Variants in CDYL2 observed in about 807,000 individuals in gnomAD.
CDYL2 encodes chromodomain Y-like protein 2.
In CDYL2, 23 loss-of-function variants were observed where a neutral mutation model predicts 49.4. The observed-to-expected ratio is 0.47, with a 90% confidence interval of 0.34 to 0.66. The LOEUF (loss-of-function observed/expected upper bound fraction) is 0.66. Ranked by LOEUF, CDYL2 falls within the 30% of genes least tolerant of loss-of-function variation. The pLI is 0.01. For missense variants in CDYL2, 678 were observed against 656.4 expected, an observed-to-expected ratio of 1.03 and a Z score of -0.36; for synonymous variants, 360 against 268.8, an observed-to-expected ratio of 1.34 and a Z score of -3.32.
intron 6 of CDYL2, among the ~76,000 whole-genome samples, chr16:80,604,868 C>T (rs144122922): frequency 6.6e-6 from 1 of 152,162 alleles, no homozygotes; most frequent in Non-Finnish European, 1.5e-5. Context: ...GTGTGGGAGA[C>T]ACTGTTTTAA....
At chr16:80,747,675 G>C (rs1195452464) in intron 1 of CDYL2, among the ~76,000 whole-genome samples, 2 of 152,108 alleles carry the variant, frequency 1.3e-5, no homozygotes, top group Non-Finnish European at 2.9e-5. Flanking sequence ...AGAGAAGCAA[G>C]TACCAGACAA....
intron 2 of CDYL2, 88 bp downstream of exon 2, chr16:80,684,450 G>C (rs1267800507): frequency 8.3e-7 from 1 of 1,204,810 alleles, no homozygotes; most frequent in East Asian, 2.3e-5. Flanking sequence ...GATGGAGGTG[G>C]GGGTCTTATG....
In CDYL2 at chr16:80,681,087, T is replaced by C. The variant is rs894941981; in HGVS notation, c.616+3451A>G. Among the ~76,000 whole-genome samples the C allele has an allele frequency of 1.1e-4, 16 of 152,248 alleles. No homozygotes were observed. In the East Asian group the frequency reaches 3.1e-3, roughly 29 times the overall value. On this transcript the variant is annotated intron_variant, in intron 2 of 6. Transcript: ENST00000570137. Reference sequence around the variant, plus strand: ...CCCCAATTTAGCATTTGTTCCACAGTAGATCAGGGAAGTCAGCAGTAAATG... The same window carrying C: ...CCCCAATTTAGCATTTGTTCCACAGCAGATCAGGGAAGTCAGCAGTAAATG...
intron 1 of CDYL2, among the ~76,000 whole-genome samples, chr16:80,737,579 C>T (rs935852571): frequency 7.2e-5 from 11 of 152,146 alleles, no homozygotes; most frequent in African/African-American, 2.7e-4. Context: ...GCTGTTGCTG[C>T]TGCTGCTAGT....
At chr16:80,642,201 G>A (rs1376484516) in intron 2 of CDYL2, among the ~76,000 whole-genome samples, 1 of 152,184 alleles carries the variant, frequency 6.6e-6, no homozygotes, top group African/African-American at 2.4e-5. Context: ...CCAGCACTTT[G>A]GGAGGCCGAG....
At chr16:80,655,087 G>C (rs1908747536) in intron 2 of CDYL2, among the ~76,000 whole-genome samples, 1 of 152,246 alleles carries the variant, frequency 6.6e-6, no homozygotes. Context: ...CAGATGCCCA[G>C]AGCCTGGGGA....
intron 1 of CDYL2, among the ~76,000 whole-genome samples, chr16:80,797,605 A>G (rs1389324797): frequency 2.0e-5 from 3 of 152,170 alleles, no homozygotes; most frequent in Admixed American, 6.5e-5. Context: ...GTCATAGAAC[A>G]TATCATATCA....
chr16:80,616,432 C>A (rs567252956), intron 4 of CDYL2, among the ~76,000 whole-genome samples: 1 of 152,284 alleles, frequency 6.6e-6, no homozygotes, highest in African/African-American at 2.4e-5. Context: ...GATCCATTCT[C>A]CTAGGCTACA....
chr16:80,716,517 T>C (rs1904805695), intron 1 of CDYL2, among the ~76,000 whole-genome samples: 1 of 151,236 alleles, frequency 6.6e-6, no homozygotes, highest in Non-Finnish European at 1.5e-5. Flanking sequence ...GGATGGATGA[T>C]AAATGGATGA....
intron 1 of CDYL2, among the ~76,000 whole-genome samples, chr16:80,765,958 G>C (rs569584643): frequency 3.4e-5 from 5 of 146,296 alleles, no homozygotes; most frequent in African/African-American, 1.3e-4. Flanking sequence ...ATGTTAAATA[G>C]AAGAAACCAG....
At chr16:80,725,834 G>GA (rs2142531939) in intron 1 of CDYL2, among the ~76,000 whole-genome samples, 1 of 152,310 alleles carries the variant, frequency 6.6e-6, no homozygotes, top group East Asian at 1.9e-4. Context: ...CCGGATGAGG[G>GA]AATCCCCATT....
At chr16:80,778,373 G>C (rs1163381999) in intron 1 of CDYL2, among the ~76,000 whole-genome samples, 1 of 151,050 alleles carries the variant, frequency 6.6e-6, no homozygotes, top group African/African-American at 2.5e-5. Flanking sequence ...TATAATTTAA[G>C]CATGATGTGA....
chr16:80,731,705 T>C (rs1371620708), intron 1 of CDYL2, among the ~76,000 whole-genome samples: 1 of 152,164 alleles, frequency 6.6e-6, no homozygotes, highest in Non-Finnish European at 1.5e-5. Flanking sequence ...ACAAAAATGA[T>C]TCTCAACCTA....
intron 1 of CDYL2, among the ~76,000 whole-genome samples, chr16:80,740,857 G>A (rs1249627501): frequency 5.9e-4 from 82 of 139,670 alleles, no homozygotes; most frequent in African/African-American, 2.3e-3. Flanking sequence ...AAAAAAAAAA[G>A]AGGTTTTACC....
chr16:80,788,546 G>T (rs1907508226), intron 1 of CDYL2, among the ~76,000 whole-genome samples: 1 of 152,166 alleles, frequency 6.6e-6, no homozygotes, highest in African/African-American at 2.4e-5. Context: ...GGGATTCTGT[G>T]GAAAGCACAG....
intron 5 of CDYL2, among the ~76,000 whole-genome samples, chr16:80,611,936 CACG>C (rs1906615590): frequency 6.6e-6 from 1 of 152,244 alleles, no homozygotes. Context: ...CACCTGGTGA[CACG>C]ACTTCTCTGA....
At position 80,602,997 on chromosome 16, in the gene CDYL2, A is replaced by C. The variant is rs565242215; in HGVS notation, c.*1391T>G. The stretch of plus-strand genomic sequence containing the variant: ...CCAGGGACTTGAATCTGATGGTCTA[A>C]CACAGCTGCTGGAGTCCCCTTGCAG... On this transcript the variant is annotated 3_prime_UTR_variant, in exon 7 of 7. Coordinates refer to ENST00000570137, the MANE Select transcript of CDYL2 (RefSeq NM_152342.4). The C allele has an allele frequency of 6.6e-5, 10 of 152,316 alleles. No individual in the cohort carries two copies. The highest frequency in any genetic ancestry group is 2.4e-4 in the African/African-American group (10 of 41,542). The allele number at this position is 152,316 out of a possible 1,614,324, so 9.4% of individuals were successfully genotyped here.
intron 1 of CDYL2, among the ~76,000 whole-genome samples, chr16:80,718,686 C>T (rs761656506): frequency 6.6e-6 from 1 of 152,194 alleles, no homozygotes; most frequent in Non-Finnish European, 1.5e-5. Flanking sequence ...CACTCAAGGC[C>T]ACAGCAGTAG....
chr16:80,664,533 T>C (rs1567561466), intron 2 of CDYL2, among the ~76,000 whole-genome samples: 1 of 152,168 alleles, frequency 6.6e-6, no homozygotes, highest in Admixed American at 6.5e-5. Flanking sequence ...CGGCTGGTCA[T>C]CTCTACAGCC....
Sources: gnomAD v4.1 joint callset for allele counts (sites outside exome capture counted in the v4.1 genomes callset) on GRCh38, gnomAD v4.1.1 for gene constraint, MANE v1.5 for transcripts, NCBI Gene and HGNC (gene_info 2026-07-23, HGNC 2026-07-21) for gene names.